DLC1: variants seen among roughly 807,000 people sequenced by gnomAD.
The protein encoded by DLC1 is DLC1 Rho GTPase activating protein, also known as rho GTPase-activating protein 7.
DLC1 carries 54 observed loss-of-function variants against 140.3 expected under a neutral mutation model. The ratio of observed to expected loss-of-function variants is 0.38; its 90% CI spans 0.31 to 0.48. The LOEUF is 0.48. Ranked by LOEUF, DLC1 falls within the 20% of genes least tolerant of loss-of-function variation. The probability of loss-of-function intolerance (pLI) is 0.96; values close to 1 mark genes in which losing one functional copy is unlikely to be tolerated. For missense variants in DLC1, 2,536 were observed against 1,907.0 expected, an observed-to-expected ratio of 1.33 and a Z score of -6.14; for synonymous variants, 986 against 728.1, an observed-to-expected ratio of 1.35 and a Z score of -5.70.
chr8:13,125,021 C>G (rs1180692420), intron 5 of DLC1, among the ~76,000 whole-genome samples: 1 of 151,814 alleles, frequency 6.6e-6, no homozygotes, highest in Non-Finnish European at 1.5e-5. Context: ...GTGTCACCCA[C>G]GCTGGAGTGC....
chr8:13,354,042 C>CT (rs57814327), intron 4 of DLC1, among the ~76,000 whole-genome samples: 143,801 of 147,012 alleles, frequency 0.98, 70,346 homozygotes, highest in Non-Finnish European at 0.99. Flanking sequence ...ACATACTGAA[C>CT]TTTTTTTTTT....
chr8:13,133,139 A>T, intron 5 of DLC1: 8 of 1,451,672 alleles, frequency 5.5e-6, no homozygotes, highest in Non-Finnish European at 6.3e-6. Context: ...TCACGGCCCC[A>T]GAAAGAAAGC....
At position 13,116,346 on chromosome 8, in the gene DLC1, A is replaced by C. The variant is rs1820557210; in HGVS notation, c.1349-689T>G. 6 of 520,750 alleles carry C rather than the reference A, an allele frequency of 1.2e-5. No individual in the cohort carries two copies. In the South Asian group the frequency reaches 5.0e-4, roughly 43 times the overall value. The allele number at this position is 520,750 out of a possible 1,614,324, so 32.3% of individuals were successfully genotyped here. ...ATCGATAAACAGAAAGGCCAAGAGC[A>C]ACTGACACACTGTGTTAAAACTCAC... On this transcript the variant is annotated intron_variant, in intron 5 of 17. Transcript: ENST00000276297.
intron 2 of DLC1, among the ~76,000 whole-genome samples, chr8:13,454,236 A>C (rs760669667): frequency 1.3e-5 from 2 of 152,164 alleles, no homozygotes; most frequent in Admixed American, 6.5e-5. Context: ...TTTCATGAGC[A>C]TTAAAAAAAA....
intron 5 of DLC1, among the ~76,000 whole-genome samples, chr8:13,194,482 C>T (rs992909617): frequency 1.3e-5 from 2 of 152,180 alleles, no homozygotes; most frequent in African/African-American, 4.8e-5. Flanking sequence ...AAAGAAGGCC[C>T]TGGTGAACTG....
chr8:13,538,723 T>A (rs896968126), intron 1 of DLC1, among the ~76,000 whole-genome samples: 3 of 152,186 alleles, frequency 2.0e-5, no homozygotes, highest in Non-Finnish European at 4.4e-5. Flanking sequence ...ATTATGTATC[T>A]TGCCCAAAGT....
At chr8:13,349,411 G>A (rs1346920400) in intron 4 of DLC1, among the ~76,000 whole-genome samples, 4 of 152,030 alleles carry the variant, frequency 2.6e-5, no homozygotes, top group South Asian at 4.1e-4. Flanking sequence ...AGAAAAAAAC[G>A]GAATACATAA....
intron 5 of DLC1, among the ~76,000 whole-genome samples, chr8:13,262,224 TCTAACTGAA>T (rs1201451259): frequency 6.6e-6 from 1 of 152,058 alleles, no homozygotes; most frequent in Non-Finnish European, 1.5e-5. Flanking sequence ...AGAGAGAAGT[TCTAACTGAA>T]CTTAGGAGAC....
chr8:13,274,021 A>T (rs1014566707), intron 5 of DLC1, among the ~76,000 whole-genome samples: 1 of 152,176 alleles, frequency 6.6e-6, no homozygotes. Flanking sequence ...CAACATAAAG[A>T]AAAGGGTTTG....
chr8:13,157,312 A>G (rs1358876760), intron 5 of DLC1, among the ~76,000 whole-genome samples: 4 of 152,216 alleles, frequency 2.6e-5, no homozygotes, highest in Non-Finnish European at 5.9e-5. Context: ...AGGCGGGGTT[A>G]GAGAAAGTAC....
intron 2 of DLC1, among the ~76,000 whole-genome samples, chr8:13,468,569 A>G (rs1246740562): frequency 6.6e-6 from 1 of 151,430 alleles, no homozygotes; most frequent in Non-Finnish European, 1.5e-5. Context: ...GAGATGGGGT[A>G]TTACTATGTT....
At chr8:13,321,626 C>A (rs1327344171) in intron 4 of DLC1, among the ~76,000 whole-genome samples, 1 of 150,848 alleles carries the variant, frequency 6.6e-6, no homozygotes, top group African/African-American at 2.4e-5. Flanking sequence ...TGTAATGAAG[C>A]CTTGTCCTCT....
intron 4 of DLC1, among the ~76,000 whole-genome samples, chr8:13,320,713 G>A (rs1261051622): frequency 2.0e-5 from 3 of 152,050 alleles, no homozygotes; most frequent in Non-Finnish European, 4.4e-5. Context: ...CTGTGAGAAC[G>A]GGTTGTTGAA....
intron 2 of DLC1, among the ~76,000 whole-genome samples, chr8:13,419,545 G>A (rs567047152): frequency 5.8e-4 from 89 of 152,240 alleles, no homozygotes; most frequent in African/African-American, 1.6e-3. Flanking sequence ...GAACCACCTG[G>A]CATCCCAGGG....
intron 5 of DLC1, among the ~76,000 whole-genome samples, chr8:13,216,450 A>C (rs1828202993): frequency 6.6e-6 from 1 of 152,006 alleles, no homozygotes; most frequent in African/African-American, 2.4e-5. Context: ...CTCTACTCCA[A>C]GGGGCTCAAG....
At chr8:13,569,910 G>A (rs548968470) in intron 1 of DLC1, among the ~76,000 whole-genome samples, 67 of 152,236 alleles carry the variant, frequency 4.4e-4, no homozygotes, top group Middle Eastern at 6.8e-3. Flanking sequence ...TGTATTTTCA[G>A]TAGAGAAATT....
chr8:13,492,280 G>T (rs1801288341), intron 2 of DLC1, among the ~76,000 whole-genome samples: 1 of 152,034 alleles, frequency 6.6e-6, no homozygotes, highest in African/African-American at 2.4e-5. Flanking sequence ...AGCTCCATCA[G>T]CTGTATAATC....
At chr8:13,357,039 C>A (rs1834974492) in intron 4 of DLC1, among the ~76,000 whole-genome samples, 1 of 151,802 alleles carries the variant, frequency 6.6e-6, no homozygotes, top group Non-Finnish European at 1.5e-5. Context: ...GGGGCTGAGG[C>A]AGGCGGATCA....
At chr8:13,365,345 C>T (rs561970738) in intron 4 of DLC1, among the ~76,000 whole-genome samples, 29 of 152,244 alleles carry the variant, frequency 1.9e-4, no homozygotes, top group South Asian at 1.0e-3. Flanking sequence ...AGCTGATCCA[C>T]GCCTTTGGTG....
Sources: allele counts gnomAD v4.1 joint callset (sites outside exome capture counted in the v4.1 genomes callset), GRCh38; gene constraint gnomAD v4.1.1; transcripts MANE v1.5; gene names NCBI Gene and HGNC (gene_info 2026-07-23, HGNC 2026-07-21).